Variants in MAP4K2 observed in about 807,000 individuals in gnomAD.
MAP4K2 encodes B lymphocyte serine/threonine protein kinase.
In MAP4K2, 85 loss-of-function variants were observed where a neutral mutation model predicts 125.3. That is an observed-to-expected ratio of 0.68 (90% CI 0.57 to 0.81). The LOEUF (loss-of-function observed/expected upper bound fraction) is 0.81, where lower values mean the gene tolerates loss of function less well. Ranked by LOEUF, MAP4K2 falls within the 40% of genes least tolerant of loss-of-function variation. MAP4K2 has a pLI of 0.00. For missense variants in MAP4K2, 923 were observed against 1,056.4 expected, an observed-to-expected ratio of 0.87 and a Z score of 1.75; for synonymous variants, 479 against 445.1, an observed-to-expected ratio of 1.08 and a Z score of -0.96.
intron 15 of MAP4K2, 144 bp downstream of exon 15, chr11:64,798,650 G>C: frequency 1.3e-6 from 1 of 785,710 alleles, no homozygotes; most frequent in Non-Finnish European, 2.1e-6. Context: ...GGCAAAGCTG[G>C]TCTTGAACTC....
chr11:64,799,609 G>C lies in MAP4K2; in HGVS notation c.990C>G (p.Ile330Met), dbSNP rs1346260021. 1.9e-6 allele frequency: 3 copies of C among 1,613,956 alleles called. No homozygotes were observed. The highest frequency in any genetic ancestry group is 2.5e-6 in the Non-Finnish European group (3 of 1,179,990). The change falls in exon 13 of 32, where the codon ATC (isoleucine) becomes ATG (methionine). Residue 330 changes from isoleucine to methionine, a missense_variant. By Grantham distance (10) the Ile-to-Met change is conservative. Coordinates refer to ENST00000294066, the MANE Select transcript of MAP4K2 (RefSeq NM_004579.5). ...HGPAERTPSE[I>M]QFHQVKFGAP... is the part of the protein sequence containing the mutation. ...CAGCCCCTGCTGCAGACTCACACTG[G>C]ATCTCCGAGGGGGTCCTCTCGGCTG...
chr11:64,796,243 C>T, intron 24 of MAP4K2, 30 bp downstream of exon 24: 2 of 1,513,370 alleles, frequency 1.3e-6, no homozygotes, highest in South Asian at 2.7e-5. Context: ...CCCTCTGCCT[C>T]CCGCTCCCTG....
chr11:64,799,350 T>C lies in MAP4K2; in HGVS notation c.1053+71A>G, dbSNP rs376215765. ...GCTTCAAATCTCCCTTGATTTGAGC[T>C]GCTCGGCCTCCATCCGACCTCCCTG... is the stretch of plus-strand genomic sequence containing the variant. On this transcript the variant is annotated intron_variant, in intron 14 of 31. Coordinates refer to ENST00000294066, the MANE Select transcript of MAP4K2 (RefSeq NM_004579.5). The C allele has an allele frequency of 4.8e-5, 75 of 1,568,602 alleles. No individual in the cohort carries two copies. The African/African-American group carries it at 9.1e-4, about 19-fold the overall frequency.
At chr11:64,790,042 G>A (rs936138573) in intron 29 of MAP4K2, 83 bp from the exon 30 acceptor site, 8 of 1,556,462 alleles carry the variant, frequency 5.1e-6, no homozygotes, top group Middle Eastern at 4.2e-4. Flanking sequence ...GGGCCACAGG[G>A]GTCCTCACTG....
chr11:64,800,231 AG>A lies in MAP4K2; in HGVS notation c.808-16del, dbSNP rs755600647. On this transcript the variant is annotated splice_polypyrimidine_tract_variant and intron_variant, in intron 11 of 31. Transcript: ENST00000294066. ...GTGAACGGGTGCTGGAAAGTGGGGG[AG>A]GGGGGTGATCAGGTTGGCCCCTGAT... is the stretch of plus-strand genomic sequence containing the variant. 18 of 1,611,784 alleles carry A rather than the reference AG, an allele frequency of 1.1e-5. No individual in the cohort carries two copies. Among genetic ancestry groups the A allele is most frequent in the South Asian group, 5.5e-5 (5 of 91,070 alleles).
At position 64,789,371 on chromosome 11, in the gene MAP4K2, C is replaced by T. The variant is rs1192434326; in HGVS notation, c.*166G>A. On this transcript the variant is annotated 3_prime_UTR_variant, in exon 32 of 32. Transcript: ENST00000294066. ...GTTATTGCAGAGGCGTCGGGGGCTC[C>T]CCTCCCTCCCCAGGCCTGAAACATT... 7 of 637,560 alleles carry T rather than the reference C, an allele frequency of 1.1e-5. No homozygotes were observed. The highest frequency in any genetic ancestry group is 1.9e-5 in the South Asian group (1 of 51,660). 39.5% of individuals were successfully genotyped at this position (637,560 alleles called of 1,614,324 possible). A position where few individuals can be genotyped will look rare whatever the true frequency, so the allele number is the denominator to read the frequency against.
chr11:64,796,445 C>A, intron 23 of MAP4K2, 48 bp downstream of exon 23: 1 of 1,613,436 alleles, frequency 6.2e-7, no homozygotes, highest in Non-Finnish European at 8.5e-7. Flanking sequence ...GATGCTGAGG[C>A]GCTGGAGCCC....
rs1227260904 is a variant in MAP4K2, at chr11:64,802,467, T to C, written c.262A>G (p.Ile88Val). Residue 88 changes from isoleucine to valine, a missense_variant, in exon 4 of 32, where the codon ATC (isoleucine) becomes GTC (valine). Coordinates refer to ENST00000294066, the MANE Select transcript of MAP4K2 (RefSeq NM_004579.5). ...CCCCCTCCGCAGAACTCCATGCAGA[T>C]CCACAAGCGGTCATTCCTAGGGACA... Reference protein sequence around the residue: ...GSYLRNDRLWICMEFCGGGSL... With the variant: ...GSYLRNDRLWVCMEFCGGGSL... 3.3e-6 allele frequency: 5 copies of C among 1,519,226 alleles called. No homozygotes were observed. The South Asian group carries it at 6.5e-5, about 20-fold the overall frequency. 94.1% of individuals were successfully genotyped at this position (1,519,226 alleles called of 1,614,324 possible).
At chr11:64,802,676 G>C (rs1202300332) in intron 2 of MAP4K2, 23 bp from the exon 3 acceptor site, 2 of 1,607,054 alleles carry the variant, frequency 1.2e-6, no homozygotes, top group East Asian at 2.2e-5. Context: ...AAGCATCATG[G>C]GGAAGGCGCG....
In MAP4K2 at chr11:64,799,489, C is replaced by T. The variant is rs1182606822; in HGVS notation, c.995-10G>A. ...AATTTCACCTGGTGAACTGGGGGGC[C>T]CAGAGTACAAGAGTGAAGGAGCTGG... On this transcript the variant is annotated splice_polypyrimidine_tract_variant and intron_variant, in intron 13 of 31. Transcript: ENST00000294066. 2 of 1,611,176 alleles carry T rather than the reference C, an allele frequency of 1.2e-6. No individual in the cohort carries two copies. The highest frequency in any genetic ancestry group is 3.4e-5 in the Admixed American group (2 of 58,888).
intron 10 of MAP4K2, among the ~76,000 whole-genome samples, 163 bp from the exon 11 acceptor site, chr11:64,800,555 C>T (rs1941102318): frequency 6.6e-6 from 1 of 152,232 alleles, no homozygotes; most frequent in Non-Finnish European, 1.5e-5. Context: ...CCTTGCGACA[C>T]AGCGGCTCCT....
chr11:64,802,641 C>A lies in MAP4K2; in HGVS notation c.167G>T (p.Ser56Ile). The change falls in exon 3 of 32, where the codon AGC becomes ATC. Residue 56 changes from serine to isoleucine, a missense_variant. By Grantham distance (142) the Ser-to-Ile change is moderately radical. Transcript: ENST00000294066. ...IVKLDPGDDI[S>I]SLQQEITILR... ...GATGGTGATTTCCTGCTGGAGGGAG[C>A]TGATGTCGTCCCCTGGGAAGCACAA... 3 of 1,612,514 alleles carry A rather than the reference C, an allele frequency of 1.9e-6. No homozygotes were observed. The highest frequency in any genetic ancestry group is 2.5e-6 in the Non-Finnish European group (3 of 1,179,440).
Position 64,791,949 on chromosome 11 carries a change from G to C in MAP4K2, c.2052C>G (p.Pro684=), listed in dbSNP as rs749892154. The C allele has an allele frequency of 1.2e-6, 2 of 1,605,554 alleles. No individual in the cohort carries two copies. Among genetic ancestry groups the C allele is most frequent in the Middle Eastern group, 1.7e-4 (1 of 6,030 alleles). Residue 684 remains proline, a synonymous_variant, in exon 27 of 32, where the codon CCC becomes CCG. Transcript: ENST00000294066. ...TGTCGGGCGTCAGGCCAGCCTCCAG[G>C]GGCAGGACATGGAACAGGACGCGGC... ...PGCRVLFHVL[P]LEAGLTPDIL... is the part of the protein sequence containing the mutation.
At chr11:64,796,587 C>T (rs1940815205) in intron 22 of MAP4K2, 34 bp from the exon 23 acceptor site, 2 of 1,613,798 alleles carry the variant, frequency 1.2e-6, no homozygotes, top group African/African-American at 1.3e-5. Context: ...GGTCAGCACC[C>T]CAGGCCCCCA....
rs1422003567 is a variant in MAP4K2, at chr11:64,797,655, C to T, written c.1107G>A (p.Leu369=). ...LGKEELSGSL[L]QSVQEALEER... is the part of the protein sequence containing the mutation. ...CCTCCAGGGCCTCCTGGACCGACTG[C>T]AGCAGGCTCCTGGGCAGTGGGGAAA... is the stretch of plus-strand genomic sequence containing the variant. The change falls in exon 16 of 32, where the codon CTG becomes CTA. Residue 369 remains leucine (L), a synonymous_variant. Coordinates refer to ENST00000294066, the MANE Select transcript of MAP4K2 (RefSeq NM_004579.5). 6.4e-7 allele frequency: 1 copy of T among 1,572,274 alleles called. No homozygotes were observed.
Position 64,796,997 on chromosome 11 carries a change from TG to T in MAP4K2, c.1391del (p.Pro464GlnfsTer40). 1.2e-6 allele frequency: 2 copies of T among 1,613,762 alleles called. No individual in the cohort carries two copies. Among genetic ancestry groups the T allele is most frequent in the South Asian group, 1.1e-5 (1 of 91,062 alleles). On this transcript the variant is annotated frameshift_variant, in exon 20 of 32. Transcript: ENST00000294066. LOFTEE classifies it high-confidence loss of function. ...AAACACTTACATGCACCTTGGGAGT[TG>T]GGGGGAGCCCGTGGCAGGATGACCT... ...PERSSCHGLPPTPKVHMGACF... is the reference protein window; with the variant it reads ...PERSSCHGLPXTPKVHMGACF...
intron 29 of MAP4K2, 58 bp from the exon 30 acceptor site, chr11:64,790,017 C>CGTGG: frequency 6.3e-7 from 1 of 1,596,740 alleles, no homozygotes; most frequent in Non-Finnish European, 8.6e-7. Flanking sequence ...CTCAGCCACG[C>CGTGG]CTGAGCCTGG....
intron 14 of MAP4K2, 50 bp downstream of exon 14, chr11:64,799,371 C>T: frequency 6.2e-7 from 1 of 1,602,656 alleles, no homozygotes; most frequent in East Asian, 2.2e-5. Context: ...CATCCGACCT[C>T]CCTGCCCCAC....
At chr11:64,799,355 G>T in intron 14 of MAP4K2, 66 bp downstream of exon 14, 1 of 1,578,674 alleles carries the variant, frequency 6.3e-7, no homozygotes, top group Non-Finnish European at 8.6e-7. Flanking sequence ...TGAGCTGCTC[G>T]GCCTCCATCC....
Sources: allele counts gnomAD v4.1 joint callset (sites outside exome capture counted in the v4.1 genomes callset), GRCh38; gene constraint gnomAD v4.1.1; transcripts MANE v1.5; gene names NCBI Gene and HGNC (gene_info 2026-07-23, HGNC 2026-07-21).